The following OGDHL variants were observed in gnomAD, a reference collection of about 807,000 sequenced individuals.
OGDHL encodes oxoglutarate dehydrogenase L.
In OGDHL, 79 loss-of-function variants were observed where a neutral mutation model predicts 109.6. That is an observed-to-expected ratio of 0.72 (90% CI 0.60 to 0.87). The LOEUF (loss-of-function observed/expected upper bound fraction) is 0.87. OGDHL is among the 40% of genes least tolerant of loss of function. The pLI is 0.00. For missense variants in OGDHL, 1,275 were observed against 1,362.2 expected (o/e 0.94, Z 1.01); for synonymous variants, 528 against 537.2 (o/e 0.98, Z 0.24).
intron 1 of OGDHL, 129 bp downstream of exon 1, chr10:49,762,110 G>C (rs1469966822): frequency 1.3e-5 from 2 of 153,566 alleles, no homozygotes; most frequent in African/African-American, 4.8e-5. Flanking sequence ...TCCCCCCGGC[G>C]GGGCCAGACT....
intron 1 of OGDHL, among the ~76,000 whole-genome samples, chr10:49,761,705 G>A (rs1843294723): frequency 6.6e-6 from 1 of 152,092 alleles, no homozygotes; most frequent in Non-Finnish European, 1.5e-5. Context: ...CACATCTCCC[G>A]GGGGGCGGAA....
At chr10:49,762,024 G>A (rs1351399273) in intron 1 of OGDHL, among the ~76,000 whole-genome samples, 1 of 152,172 alleles carries the variant, frequency 6.6e-6, no homozygotes. Context: ...GTACGCGCGC[G>A]ATGGGCTGGG....
chr10:49,738,584 G>A (rs1841397322), intron 17 of OGDHL: 2 of 406,800 alleles, frequency 4.9e-6, no homozygotes, highest in Admixed American at 3.7e-5. Context: ...CTGTACAGGA[G>A]GCAGAGTTCT....
intron 2 of OGDHL, 56 bp from the exon 3 acceptor site, chr10:49,757,002 G>A (rs1842959641): frequency 1.9e-6 from 3 of 1,560,108 alleles, no homozygotes; most frequent in African/African-American, 1.4e-5. Context: ...AGAGTCAGGG[G>A]TGGCCCAGGC....
intron 6 of OGDHL, 129 bp downstream of exon 6, chr10:49,751,698 G>A (rs900852199): frequency 2.4e-6 from 3 of 1,225,452 alleles, no homozygotes; most frequent in African/African-American, 1.5e-5. Context: ...CCTCCCTGCA[G>A]CCAGTGGTGA....
At chr10:49,756,720 G>A in intron 3 of OGDHL, 56 bp downstream of exon 3, 1 of 1,530,060 alleles carries the variant, frequency 6.5e-7, no homozygotes, top group East Asian at 2.3e-5. Flanking sequence ...TTCAGTGCCT[G>A]GCCACACCCC....
chr10:49,751,985 G>A lies in OGDHL; in HGVS notation c.595-4C>T. 1 of 1,614,118 alleles carries A rather than the reference G, an allele frequency of 6.2e-7. No individual in the cohort carries two copies. Among genetic ancestry groups the A allele is most frequent in the Non-Finnish European group, 8.5e-7 (1 of 1,180,022 alleles). ...CAATGTGCTGGCAGTAGGTGTTCTG[G>A]GGAGACACATTGGGACCCCATGAGG... On this transcript the variant is annotated splice_region_variant and splice_polypyrimidine_tract_variant and intron_variant, in intron 5 of 22. Coordinates refer to ENST00000374103, the MANE Select transcript of OGDHL (RefSeq NM_018245.3).
chr10:49,758,151 C>G (rs1283521965), intron 2 of OGDHL, among the ~76,000 whole-genome samples: 1 of 152,258 alleles, frequency 6.6e-6, no homozygotes, highest in Non-Finnish European at 1.5e-5. Context: ...GGGGGCACGG[C>G]AGGGCTCAGG....
intron 3 of OGDHL, among the ~76,000 whole-genome samples, chr10:49,753,193 A>C (rs1414841225): frequency 6.6e-6 from 1 of 152,212 alleles, no homozygotes; most frequent in Non-Finnish European, 1.5e-5. Context: ...CTAGCAAAGT[A>C]TGTATGGTGA....
intron 1 of OGDHL, among the ~76,000 whole-genome samples, chr10:49,758,985 C>A (rs905807881): frequency 6.6e-6 from 1 of 152,068 alleles, no homozygotes; most frequent in Non-Finnish European, 1.5e-5. Context: ...GGGAGTACCA[C>A]CAAGAAGGAG....
chr10:49,748,320 T>C (rs1283317655), intron 8 of OGDHL, among the ~76,000 whole-genome samples: 1 of 152,252 alleles, frequency 6.6e-6, no homozygotes, highest in African/African-American at 2.4e-5. Flanking sequence ...GTCACGGCTA[T>C]GCCCATGGCC....
intron 1 of OGDHL, 69 bp from the exon 2 acceptor site, chr10:49,758,662 C>T: frequency 6.7e-7 from 1 of 1,490,504 alleles, no homozygotes; most frequent in Non-Finnish European, 9.2e-7. Context: ...TACCAAGCCA[C>T]TGTCCGCTCA....
At chr10:49,741,516 A>G (rs1841653362) in intron 15 of OGDHL, among the ~76,000 whole-genome samples, 1 of 152,180 alleles carries the variant, frequency 6.6e-6, no homozygotes, top group Non-Finnish European at 1.5e-5. Flanking sequence ...AGGATCTAGA[A>G]CATTTTAGGA....
At chr10:49,748,762 ACAC>A (rs1842379953) in intron 8 of OGDHL, among the ~76,000 whole-genome samples, 9 of 146,322 alleles carry the variant, frequency 6.2e-5, no homozygotes, top group Middle Eastern at 3.5e-3. Flanking sequence ...ACACACACAC[ACAC>A]ACACACACAC....
intron 22 of OGDHL, 76 bp from the exon 23 acceptor site, chr10:49,735,427 C>A: frequency 1.3e-6 from 2 of 1,542,388 alleles, no homozygotes; most frequent in Non-Finnish European, 1.8e-6. Context: ...TCCGGGACTG[C>A]AGGGGGCACG....
intron 22 of OGDHL, 146 bp downstream of exon 22, chr10:49,735,877 C>T (rs878861440): frequency 4.4e-6 from 4 of 902,602 alleles, no homozygotes; most frequent in Non-Finnish European, 6.2e-6. Context: ...AGAACAAACA[C>T]AAAGCCAGTA....
chr10:49,741,460 T>G (rs114521070), intron 15 of OGDHL, among the ~76,000 whole-genome samples: 2,050 of 152,094 alleles, frequency 0.013, 50 homozygotes, highest in African/African-American at 0.046. Context: ...GGTCAAGTCC[T>G]GGAAGCCACA....
Position 49,750,952 on chromosome 10 carries a change from T to A in OGDHL, c.783A>T (p.Ser261=), listed in dbSNP as rs1309449670. 2.5e-6 allele frequency: 4 copies of A among 1,609,298 alleles called. No individual in the cohort carries two copies. The highest frequency in any genetic ancestry group is 3.4e-6 in the Non-Finnish European group (4 of 1,177,002). ...AGCCCTCCAGGCCAAACCGCTTCTC[T>A]GAGGACCATTTCCGGGCCAGGAAGT... ...FEDFLARKWS[S]EKRFGLEGCE... is the part of the protein sequence containing the mutation. The change falls in exon 7 of 23, where the codon TCA becomes TCT. Residue 261 remains serine, a synonymous_variant. Transcript: ENST00000374103.
At chr10:49,756,515 G>A (rs966015585) in intron 3 of OGDHL, 14 of 334,068 alleles carry the variant, frequency 4.2e-5, no homozygotes, top group Non-Finnish European at 5.9e-5. Context: ...GCTCCTCCAC[G>A]TACTCGGGGC....
Sources: allele counts gnomAD v4.1 joint callset (sites outside exome capture counted in the v4.1 genomes callset), GRCh38; gene constraint gnomAD v4.1.1; transcripts MANE v1.5; gene names NCBI Gene and HGNC (gene_info 2026-07-23, HGNC 2026-07-21).